Variants in KAZN observed in about 807,000 individuals in gnomAD.
KAZN encodes the protein kazrin, periplakin interacting protein, also known as kazrin.
In KAZN, 40 loss-of-function variants were observed where a neutral mutation model predicts 87.4. That is an observed-to-expected ratio of 0.46 (90% CI 0.36 to 0.60). The LOEUF is 0.60. Ranked by LOEUF, KAZN falls within the 20% of genes least tolerant of loss-of-function variation. The probability of loss-of-function intolerance (pLI) is 0.00; values close to 1 mark genes in which losing one functional copy is unlikely to be tolerated. For synonymous variants in KAZN, 466 were observed against 458.3 expected (o/e 1.02, Z -0.22); for missense variants, 898 against 1,073.9 (o/e 0.84, Z 2.29).
At chr1:14,897,963 A>G (rs1338332799) in intron 1 of KAZN, among the ~76,000 whole-genome samples, 1 of 152,236 alleles carries the variant, frequency 6.6e-6, no homozygotes, top group Non-Finnish European at 1.5e-5. Context: ...ATGCGCAGCT[A>G]TGGAGGAAAC....
At chr1:14,922,337 C>T (rs1167117104) in intron 1 of KAZN, among the ~76,000 whole-genome samples, 1 of 152,146 alleles carries the variant, frequency 6.6e-6, no homozygotes, top group African/African-American at 2.4e-5. Context: ...TCTCCGCTCT[C>T]GGGTGCTCAG....
At chr1:14,989,432 T>C (rs1667141545) in intron 2 of KAZN, among the ~76,000 whole-genome samples, 1 of 152,132 alleles carries the variant, frequency 6.6e-6, no homozygotes, top group Non-Finnish European at 1.5e-5. Flanking sequence ...GCTGAGATAG[T>C]GCCACTGCAC....
At chr1:14,725,968 C>T (rs552734287) in intron 1 of KAZN, among the ~76,000 whole-genome samples, 1 of 152,316 alleles carries the variant, frequency 6.6e-6, no homozygotes, top group South Asian at 2.1e-4. Context: ...TCATGGGTTG[C>T]ATCTAGGTTG....
rs530069502 is a variant in KAZN, at chr1:14,455,800, C to A, written c.250-143183C>A. On this transcript the variant is annotated intron_variant, in intron 2 of 16. Transcript: ENST00000636203. ...AGGATCCAACTCCTCAAGGAAAGGA[C>A]TGTGCCCATTTATGCCCCTCTGGCT... Among the ~76,000 whole-genome samples the A allele has an allele frequency of 2.0e-5, 3 of 152,296 alleles. No homozygotes were observed. In the South Asian group the frequency reaches 6.2e-4, roughly 32 times the overall value.
intron 1 of KAZN, among the ~76,000 whole-genome samples, chr1:13,926,517 C>CT (rs1190080130): frequency 1.2e-4 from 18 of 152,268 alleles, no homozygotes; most frequent in African/African-American, 3.9e-4. Context: ...TTCAAGTCCC[C>CT]TTTGCACAAA....
chr1:13,929,451 C>CTGCA (rs1157389867), intron 1 of KAZN, among the ~76,000 whole-genome samples: 1 of 152,194 alleles, frequency 6.6e-6, no homozygotes, highest in Non-Finnish European at 1.5e-5. Context: ...GGGAGGCACA[C>CTGCA]TGCAGCTCAG....
chr1:14,933,495 T>G (rs1660087696), intron 1 of KAZN, among the ~76,000 whole-genome samples: 1 of 152,126 alleles, frequency 6.6e-6, no homozygotes, highest in South Asian at 2.1e-4. Flanking sequence ...CCCCAACATG[T>G]CTCACACTTC....
chr1:14,592,509 T>A (rs994768353), intron 2 of KAZN, among the ~76,000 whole-genome samples: 5 of 152,194 alleles, frequency 3.3e-5, no homozygotes, highest in Non-Finnish European at 7.3e-5. Flanking sequence ...TTCTGGTTGA[T>A]CAGGGGTGGG....
intron 1 of KAZN, among the ~76,000 whole-genome samples, chr1:14,009,689 C>A (rs774575119): frequency 7.9e-5 from 12 of 152,196 alleles, no homozygotes; most frequent in Non-Finnish European, 1.5e-4. Flanking sequence ...GACCACTCCC[C>A]CATATCTGAT....
At chr1:15,008,809 A>G (rs1669291606) in intron 2 of KAZN, among the ~76,000 whole-genome samples, 2 of 152,120 alleles carry the variant, frequency 1.3e-5, no homozygotes, top group South Asian at 4.2e-4. Flanking sequence ...CGGCAAAGTC[A>G]TAAGAGGAGC....
chr1:14,382,598 T>C (rs1661469371), intron 2 of KAZN, among the ~76,000 whole-genome samples: 1 of 148,896 alleles, frequency 6.7e-6, no homozygotes, highest in African/African-American at 2.5e-5. Flanking sequence ...GATAGTTTAC[T>C]GAGAATGATG....
intron 1 of KAZN, among the ~76,000 whole-genome samples, chr1:14,852,625 G>A (rs1649597297): frequency 1.3e-5 from 2 of 152,328 alleles, no homozygotes; most frequent in South Asian, 2.1e-4. Context: ...AGATGGTCTC[G>A]CAGGTACACT....
intron 8 of KAZN, among the ~76,000 whole-genome samples, chr1:15,071,380 T>C (rs1639499772): frequency 6.6e-6 from 1 of 152,144 alleles, no homozygotes; most frequent in African/African-American, 2.4e-5. Context: ...GCCTCCCTAG[T>C]AGCTGGGACT....
At chr1:13,923,977 C>CG (rs1002621062) in intron 1 of KAZN, among the ~76,000 whole-genome samples, 2 of 151,724 alleles carry the variant, frequency 1.3e-5, no homozygotes, top group African/African-American at 4.8e-5. Flanking sequence ...GATGGCCCGT[C>CG]GGGCAGAGTG....
At chr1:14,850,763 A>G (rs931359438) in intron 1 of KAZN, among the ~76,000 whole-genome samples, 2 of 152,126 alleles carry the variant, frequency 1.3e-5, no homozygotes, top group African/African-American at 4.8e-5. Flanking sequence ...TCCCACAAAG[A>G]TGATAAGGGA....
In KAZN at chr1:14,540,313, C is replaced by T. The variant is rs74808570; in HGVS notation, c.250-58670C>T. ...CCCCTGCAGTTGGTAATTCCTGAGC[C>T]CCTTCCTCTCTTAGGTGAGCCTGCA... On this transcript the variant is annotated intron_variant, in intron 2 of 16. Coordinates refer to the KAZN transcript ENST00000636203. 2.6e-5 allele frequency among the ~76,000 whole-genome samples: 4 copies of T among 152,234 alleles called. No homozygotes were observed. In the East Asian group the frequency reaches 7.8e-4, roughly 30 times the overall value.
chr1:14,267,240 T>A (rs572629768), intron 2 of KAZN, among the ~76,000 whole-genome samples: 1 of 151,942 alleles, frequency 6.6e-6, no homozygotes, highest in Admixed American at 6.6e-5. Context: ...TATTAGGTAT[T>A]GTAAGTAATC....
At chr1:14,207,478 G>T (rs1296065882) in intron 2 of KAZN, among the ~76,000 whole-genome samples, 2 of 152,132 alleles carry the variant, frequency 1.3e-5, no homozygotes, top group Admixed American at 1.3e-4. Context: ...AACTTGAAAT[G>T]AAGGCAGAAT....
At chr1:15,105,475 A>C (rs1232627101) in intron 13 of KAZN, among the ~76,000 whole-genome samples, 1 of 151,814 alleles carries the variant, frequency 6.6e-6, no homozygotes, top group Non-Finnish European at 1.5e-5. Flanking sequence ...TTTTTATCTT[A>C]TAGTGCCTCT....
Sources: gnomAD v4.1 joint callset for allele counts (sites outside exome capture counted in the v4.1 genomes callset) on GRCh38, gnomAD v4.1.1 for gene constraint, MANE v1.5 for transcripts, NCBI Gene and HGNC (gene_info 2026-07-23, HGNC 2026-07-21) for gene names.